The following NALF1 variants were observed in gnomAD, a reference collection of about 807,000 sequenced individuals.
NALF1 encodes the protein NALCN channel auxiliary factor 1.
In NALF1, 3 loss-of-function variants were observed where a neutral mutation model predicts 48.4. The observed-to-expected ratio is 0.06, with a 90% CI of 0.03 to 0.16. The LOEUF is 0.16. Among genes scored for constraint, NALF1 ranks in the 10% least tolerant of loss-of-function variants. The probability of loss-of-function intolerance (pLI) is 1.00; values close to 1 mark genes in which losing one functional copy is unlikely to be tolerated. For synonymous variants in NALF1, 262 were observed against 245.7 expected (o/e 1.07, Z -0.62); for missense variants, 526 against 571.5 (o/e 0.92, Z 0.81).
At chr13:107,727,332 G>T (rs1191769269) in intron 1 of NALF1, among the ~76,000 whole-genome samples, 1 of 152,162 alleles carries the variant, frequency 6.6e-6, no homozygotes, top group African/African-American at 2.4e-5. Flanking sequence ...CATTCTTTGA[G>T]TTATTCCCAA....
At position 107,866,578 on chromosome 13, in the gene NALF1, T is replaced by C. The variant is rs1280644645; in HGVS notation, c.19A>G (p.Met7Val). 3 of 1,608,844 alleles carry C rather than the reference T, an allele frequency of 1.9e-6. No homozygotes were observed. Residue 7 changes from methionine to valine, a missense_variant, in exon 1 of 3, where the codon ATG becomes GTG. By Grantham distance (21) the Met-to-Val change is conservative (BLOSUM62 1). Coordinates refer to ENST00000375915, the MANE Select transcript of NALF1 (RefSeq NM_001080396.3). This position sits in a 1 kb window ranked among gnomAD's most constrained non-coding sequence, Gnocchi z 4.4. The stretch of plus-strand genomic sequence containing the variant: ...AAGCCGTCGTCATACTGCCGACACA[T>C]CCAAGCACCCCTGGTCATATTTTGG... Reference protein sequence around the residue: MTRGAWMCRQYDDGLKI... With the variant: MTRGAWVCRQYDDGLKI...
At chr13:107,375,507 G>A (rs1883320718) in intron 1 of NALF1, among the ~76,000 whole-genome samples, 2 of 151,658 alleles carry the variant, frequency 1.3e-5, no homozygotes, top group African/African-American at 2.4e-5. Flanking sequence ...TCTCATTTTT[G>A]TGCTTTGCTC....
chr13:107,404,792 T>C (rs925524088), intron 1 of NALF1, among the ~76,000 whole-genome samples: 9 of 152,130 alleles, frequency 5.9e-5, no homozygotes, highest in African/African-American at 2.2e-4. Flanking sequence ...ATTGGGTGAA[T>C]AGTCCAGTTA....
intron 1 of NALF1, among the ~76,000 whole-genome samples, chr13:107,472,807 C>A (rs867271515): frequency 6.6e-6 from 1 of 152,120 alleles, no homozygotes; most frequent in Non-Finnish European, 1.5e-5. Context: ...AGCTTGCACA[C>A]GGCCTATTGT....
intron 1 of NALF1, among the ~76,000 whole-genome samples, chr13:107,390,536 A>G (rs899837308): frequency 6.6e-6 from 1 of 152,140 alleles, no homozygotes; most frequent in African/African-American, 2.4e-5. Flanking sequence ...AATGATATGT[A>G]TAAACCAGTG....
chr13:107,684,005 T>C (rs1566443076), intron 1 of NALF1, among the ~76,000 whole-genome samples: 1 of 152,162 alleles, frequency 6.6e-6, no homozygotes, highest in Non-Finnish European at 1.5e-5. Context: ...CAAAGCATCC[T>C]TTCATCCATT....
intron 1 of NALF1, among the ~76,000 whole-genome samples, chr13:107,614,626 C>T (rs956033279): frequency 6.6e-6 from 1 of 151,990 alleles, no homozygotes; most frequent in Non-Finnish European, 1.5e-5. Flanking sequence ...ACAAATATAC[C>T]AACTATTCTC....
intron 1 of NALF1, among the ~76,000 whole-genome samples, chr13:107,216,820 C>G (rs1429152025): frequency 6.6e-6 from 1 of 152,166 alleles, no homozygotes. Flanking sequence ...AGGGCCAACG[C>G]AAGCCCAGTT....
intron 1 of NALF1, among the ~76,000 whole-genome samples, chr13:107,597,525 A>G (rs2138422048): frequency 6.6e-6 from 1 of 152,284 alleles, no homozygotes; most frequent in East Asian, 1.9e-4. Flanking sequence ...TCAATCTCAT[A>G]CACATCAAAT....
intron 1 of NALF1, among the ~76,000 whole-genome samples, chr13:107,452,485 C>T (rs2139036301): frequency 6.6e-6 from 1 of 152,242 alleles, no homozygotes; most frequent in South Asian, 2.1e-4. Flanking sequence ...CTCATGAGAA[C>T]TCACTCACTA....
chr13:107,346,070 T>C (rs1277753433), intron 1 of NALF1, among the ~76,000 whole-genome samples: 1 of 151,874 alleles, frequency 6.6e-6, no homozygotes. Flanking sequence ...TATCACCCCA[T>C]ACCCACTAGG....
At chr13:107,547,687 A>G (rs1469522373) in intron 1 of NALF1, among the ~76,000 whole-genome samples, 1 of 152,182 alleles carries the variant, frequency 6.6e-6, no homozygotes, top group African/African-American at 2.4e-5. Context: ...CTGTCCTTGC[A>G]TCTATATCAT....
intron 1 of NALF1, among the ~76,000 whole-genome samples, chr13:107,369,077 C>T (rs1252720982): frequency 6.6e-6 from 1 of 152,176 alleles, no homozygotes; most frequent in Non-Finnish European, 1.5e-5. Context: ...TTATTGCCTC[C>T]ATGTCCCTTT....
chr13:107,640,824 T>C (rs1364664143), intron 1 of NALF1, among the ~76,000 whole-genome samples: 1 of 152,212 alleles, frequency 6.6e-6, no homozygotes, highest in East Asian at 1.9e-4. Context: ...ATTCATTGTG[T>C]TTCTCTTAGA....
intron 1 of NALF1, among the ~76,000 whole-genome samples, chr13:107,664,395 T>TG (rs1212333888): frequency 6.6e-6 from 1 of 152,172 alleles, no homozygotes; most frequent in Non-Finnish European, 1.5e-5. Context: ...CTGACACTCT[T>TG]GCTACGCTTT....
At chr13:107,698,993 C>A (rs1881757979) in intron 1 of NALF1, among the ~76,000 whole-genome samples, 1 of 152,178 alleles carries the variant, frequency 6.6e-6, no homozygotes, top group Non-Finnish European at 1.5e-5. Context: ...TGTATTTTTA[C>A]AAGTGGAAGG....
intron 1 of NALF1, among the ~76,000 whole-genome samples, chr13:107,801,671 C>T (rs1878617074): frequency 6.6e-6 from 1 of 152,144 alleles, no homozygotes; most frequent in South Asian, 2.1e-4. Flanking sequence ...ATATTGCTGA[C>T]ATAATATTCA....
At chr13:107,433,263 T>C (rs1884411832) in intron 1 of NALF1, among the ~76,000 whole-genome samples, 1 of 152,190 alleles carries the variant, frequency 6.6e-6, no homozygotes, top group South Asian at 2.1e-4. Flanking sequence ...TTATAATAAC[T>C]TTATGCTGGA....
chr13:107,175,051 C>CT lies in NALF1; in HGVS notation c.1088-4266dup, dbSNP rs1300105465. On this transcript the variant is annotated intron_variant, in intron 2 of 2. Coordinates refer to ENST00000375915, the MANE Select transcript of NALF1 (RefSeq NM_001080396.3). ...GGCGCCCGCCACGACGCCCGGCTAACTTTTTTTTTTTGTATTTTTAGTAGA... is the reference window on the plus strand; with the variant it reads ...GGCGCCCGCCACGACGCCCGGCTAACTTTTTTTTTTTTGTATTTTTAGTAGA... Among the ~76,000 whole-genome samples, 57 of 17,712 alleles carry CT rather than the reference C, an allele frequency of 3.2e-3. 4 individuals carry two copies. The highest frequency in any genetic ancestry group is 0.011 in the East Asian group (11 of 984). The allele number at this position is 17,712 out of a possible 152,430, so 11.6% of individuals were successfully genotyped here. A position where few individuals can be genotyped will look rare whatever the true frequency, so the allele number is the denominator to read the frequency against.
Sources: allele counts gnomAD v4.1 joint callset (sites outside exome capture counted in the v4.1 genomes callset), GRCh38; gene constraint gnomAD v4.1.1; non-coding constraint Gnocchi (gnomAD v3.1); transcripts MANE v1.5; gene names NCBI Gene and HGNC (gene_info 2026-07-23, HGNC 2026-07-21).